The following SOX5 variants were observed in gnomAD, a reference collection of about 807,000 sequenced individuals.
The protein encoded by SOX5 is transcription factor SOX-5.
In SOX5, 9 loss-of-function variants were observed where a neutral mutation model predicts 92.0. The ratio of observed to expected loss-of-function variants is 0.10; its 90% CI spans 0.06 to 0.17. SOX5 has a LOEUF of 0.17. SOX5 is among the 10% of genes least tolerant of loss of function. SOX5 has a pLI of 1.00. For synonymous variants in SOX5, 344 were observed against 336.3 expected, an observed-to-expected ratio of 1.02 and a Z score of -0.25; for missense variants, 642 against 944.5, an observed-to-expected ratio of 0.68 and a Z score of 4.20.
intron 13 of SOX5, among the ~76,000 whole-genome samples, chr12:23,538,247 C>A (rs996708836): frequency 2.0e-5 from 3 of 152,070 alleles, no homozygotes; most frequent in Non-Finnish European, 4.4e-5. Context: ...TTAAAGCATA[C>A]AGTGAAAGAG....
At chr12:23,620,818 TCTTAA>T (rs1202288130) in intron 8 of SOX5, among the ~76,000 whole-genome samples, 10 of 152,102 alleles carry the variant, frequency 6.6e-5, no homozygotes, top group Non-Finnish European at 1.2e-4. Context: ...GAGAAACAAC[TCTTAA>T]CTTCTGCTCT....
At position 23,570,923 on chromosome 12, in the gene SOX5, AAAAAAAAATATATATATATATATATATAT is replaced by A. The variant is rs1454635036; in HGVS notation, c.1342+4709_1342+4737del. On this transcript the variant is annotated intron_variant, in intron 10 of 14. Coordinates refer to ENST00000451604, the MANE Select transcript of SOX5 (RefSeq NM_006940.6). ...AAGACTCCAACTCAAAAAAAAAAAAAAAAAAAAATATATATATATATATATATATATATATATATATATATATATATATA... is the reference window on the plus strand; with the variant it reads ...AAGACTCCAACTCAAAAAAAAAAAAAATATATATATATATATATATATATA... 3.8e-4 allele frequency among the ~76,000 whole-genome samples: 16 copies of A among 42,214 alleles called. 2 individuals are homozygous for A. Among genetic ancestry groups the A allele is most frequent in the South Asian group, 8.8e-4 (1 of 1,136 alleles). 27.7% of individuals were successfully genotyped at this position (42,214 alleles called of 152,430 possible). A position where few individuals can be genotyped will look rare whatever the true frequency, so the allele number is the denominator to read the frequency against.
chr12:24,398,587 T>G (rs1386171370), intron 1 of SOX5, among the ~76,000 whole-genome samples: 2 of 152,212 alleles, frequency 1.3e-5, no homozygotes, highest in Non-Finnish European at 2.9e-5. Context: ...GTGTTTCTAT[T>G]ACTGCTACAG....
intron 11 of SOX5, among the ~76,000 whole-genome samples, chr12:23,560,622 A>G (rs75163764): frequency 0.016 from 2,378 of 152,308 alleles, 70 homozygotes; most frequent in African/African-American, 0.054. Context: ...AAGTTCTATA[A>G]AGGCAGAGCT....
intron 4 of SOX5, among the ~76,000 whole-genome samples, chr12:24,047,274 T>A (rs1957134400): frequency 6.6e-6 from 1 of 152,224 alleles, no homozygotes; most frequent in Non-Finnish European, 1.5e-5. Context: ...ATTTTCCTGT[T>A]CTTTTAACAG....
At chr12:24,164,989 C>A (rs1167712314) in intron 4 of SOX5, among the ~76,000 whole-genome samples, 1 of 151,978 alleles carries the variant, frequency 6.6e-6, no homozygotes, top group African/African-American at 2.4e-5. Context: ...TGTTTAAAGG[C>A]ATTTTTTTAG....
At chr12:24,267,608 C>G (rs1281617825) in intron 3 of SOX5, among the ~76,000 whole-genome samples, 1 of 152,094 alleles carries the variant, frequency 6.6e-6, no homozygotes, top group Non-Finnish European at 1.5e-5. Flanking sequence ...GCAGAAAGTA[C>G]TATGAAAACA....
chr12:24,050,246 T>C (rs939897402), intron 4 of SOX5, among the ~76,000 whole-genome samples: 8 of 152,110 alleles, frequency 5.3e-5, no homozygotes, highest in Non-Finnish European at 1.0e-4. Flanking sequence ...ACCAGTCATA[T>C]GGTTTCAAGA....
At chr12:24,077,759 C>T (rs980670207) in intron 4 of SOX5, among the ~76,000 whole-genome samples, 4 of 120,048 alleles carry the variant, frequency 3.3e-5, no homozygotes, top group Admixed American at 9.5e-5. Context: ...TACTTCTCTT[C>T]GAAAGGTATT....
chr12:23,846,888 CT>C (rs2096581427), intron 2 of SOX5, among the ~76,000 whole-genome samples: 1 of 152,026 alleles, frequency 6.6e-6, no homozygotes, highest in Admixed American at 6.6e-5. Flanking sequence ...TATTTTAATC[CT>C]CATTTGCCCT....
intron 2 of SOX5, among the ~76,000 whole-genome samples, chr12:23,880,740 G>A (rs541165878): frequency 1.4e-4 from 22 of 152,270 alleles, no homozygotes; most frequent in Admixed American, 1.4e-3. Flanking sequence ...GACGGAACAA[G>A]TATGCCATCT....
chr12:24,351,047 G>A (rs968239591), intron 2 of SOX5, among the ~76,000 whole-genome samples: 2 of 152,066 alleles, frequency 1.3e-5, no homozygotes, highest in Non-Finnish European at 2.9e-5. Flanking sequence ...AACAGAGCAA[G>A]AGCGAGACTC....
intron 4 of SOX5, among the ~76,000 whole-genome samples, chr12:24,069,736 CT>C (rs983891944): frequency 6.6e-6 from 1 of 152,148 alleles, no homozygotes; most frequent in Non-Finnish European, 1.5e-5. Flanking sequence ...TTTTTCTTTT[CT>C]CCCCAATGTG....
intron 2 of SOX5, among the ~76,000 whole-genome samples, chr12:24,338,498 A>G (rs150185394): frequency 6.6e-6 from 1 of 152,342 alleles, no homozygotes; most frequent in Admixed American, 6.5e-5. Context: ...ATTAGGAAAT[A>G]AAGTTGATAT....
At chr12:23,883,948 G>T (rs372514556) in intron 2 of SOX5, among the ~76,000 whole-genome samples, 1 of 152,148 alleles carries the variant, frequency 6.6e-6, no homozygotes, top group South Asian at 2.1e-4. Context: ...GACTTCTACA[G>T]TGTTTGATTT....
chr12:24,342,458 T>C (rs1055127871), intron 2 of SOX5, among the ~76,000 whole-genome samples: 3 of 152,258 alleles, frequency 2.0e-5, no homozygotes, highest in East Asian at 1.9e-4. Context: ...GAACCTATTA[T>C]ATCATCCTGT....
chr12:24,369,603 T>A (rs1456286494), intron 1 of SOX5, among the ~76,000 whole-genome samples: 1 of 152,226 alleles, frequency 6.6e-6, no homozygotes, highest in Non-Finnish European at 1.5e-5. Flanking sequence ...CTTACATATT[T>A]CTTCTCTTCG....
intron 12 of SOX5, 118 bp from the exon 13 acceptor site, chr12:23,543,502 G>T (rs768898221): frequency 7.1e-6 from 5 of 701,778 alleles, no homozygotes; most frequent in Non-Finnish European, 1.2e-5. Context: ...TCTGATAATG[G>T]TACTTCCAGT....
chr12:23,998,232 C>A (rs1227670719), intron 4 of SOX5, among the ~76,000 whole-genome samples: 2 of 151,706 alleles, frequency 1.3e-5, no homozygotes, highest in East Asian at 3.9e-4. Flanking sequence ...AAACATACAT[C>A]AATACAAAGA....
Sources: allele counts gnomAD v4.1 joint callset (sites outside exome capture counted in the v4.1 genomes callset), GRCh38; gene constraint gnomAD v4.1.1; transcripts MANE v1.5; gene names NCBI Gene and HGNC (gene_info 2026-07-23, HGNC 2026-07-21).